The following NEBL variants were observed in gnomAD, a reference collection of about 807,000 sequenced individuals.
NEBL encodes the protein nebulette.
In NEBL, 122 loss-of-function variants were observed where a neutral mutation model predicts 140.2. The ratio of observed to expected loss-of-function variants is 0.87; its 90% CI spans 0.75 to 1.01. NEBL has a LOEUF of 1.01. Among genes scored for constraint, NEBL ranks in the 50% least tolerant of loss-of-function variants. The probability of loss-of-function intolerance (pLI) is 0.00; values close to 1 mark genes in which losing one functional copy is unlikely to be tolerated. For missense variants in NEBL, 1,365 were observed against 1,231.3 expected (o/e 1.11, Z -1.62); for synonymous variants, 436 against 398.9 (o/e 1.09, Z -1.11).
intron 26 of NEBL, among the ~76,000 whole-genome samples, chr10:20,802,495 A>G (rs1485626953): frequency 6.6e-6 from 1 of 152,226 alleles, no homozygotes; most frequent in Admixed American, 6.5e-5. Flanking sequence ...TGGTAACTTA[A>G]TACATTGAAA....
At chr10:21,102,707 C>A (rs991664616) in intron 2 of NEBL, among the ~76,000 whole-genome samples, 1 of 152,172 alleles carries the variant, frequency 6.6e-6, no homozygotes, top group Non-Finnish European at 1.5e-5. Flanking sequence ...AAAATTTAAC[C>A]ATGTACCTGT....
Position 20,859,818 on chromosome 10 carries a change from G to A in NEBL, c.693C>T (p.Tyr231=), listed in dbSNP as rs2131147310. ...TCATTTCATTATCAAATTTTTCTTTGTATTTAATCTGTCATAAAAGAGAAA... is the reference window on the plus strand; with the variant it reads ...TCATTTCATTATCAAATTTTTCTTTATATTTAATCTGTCATAAAAGAGAAA... ...EASKLSSQIK[Y]KEKFDNEMKD... Residue 231 remains tyrosine (Y), a synonymous_variant, in exon 8 of 28, where the codon TAC becomes TAT. Coordinates refer to ENST00000377122, the MANE Select transcript of NEBL (RefSeq NM_006393.3). 6.8e-7 allele frequency: 1 copy of A among 1,463,330 alleles called. No individual in the cohort carries two copies. The highest frequency in any genetic ancestry group is 9.6e-7 in the Non-Finnish European group (1 of 1,046,922). 90.6% of individuals were successfully genotyped at this position (1,463,330 alleles called of 1,614,324 possible).
At chr10:21,231,896 G>T (rs1842266781) in intron 3 of NEBL, among the ~76,000 whole-genome samples, 2 of 152,234 alleles carry the variant, frequency 1.3e-5, no homozygotes, top group Non-Finnish European at 2.9e-5. Flanking sequence ...TTAATTCCCA[G>T]GCATGGCAGG....
At chr10:21,102,698 A>G (rs1200933401) in intron 2 of NEBL, among the ~76,000 whole-genome samples, 1 of 152,190 alleles carries the variant, frequency 6.6e-6, no homozygotes, top group Non-Finnish European at 1.5e-5. Flanking sequence ...GAGTATAACA[A>G]AATTTAACCA....
At chr10:21,254,441 T>G (rs769604696) in intron 1 of NEBL, among the ~76,000 whole-genome samples, 38 of 152,020 alleles carry the variant, frequency 2.5e-4, no homozygotes, top group Non-Finnish European at 4.0e-4. Flanking sequence ...AATTGTTTAT[T>G]GTCTTTTGTT....
At chr10:21,023,974 A>G (rs1350129564) in intron 2 of NEBL, among the ~76,000 whole-genome samples, 1 of 152,124 alleles carries the variant, frequency 6.6e-6, no homozygotes, top group Non-Finnish European at 1.5e-5. Context: ...AAAGGGTGAT[A>G]GAACTTATAA....
chr10:21,263,847 C>T (rs1430914853), intron 1 of NEBL, among the ~76,000 whole-genome samples: 4 of 152,164 alleles, frequency 2.6e-5, no homozygotes, highest in African/African-American at 4.8e-5. Flanking sequence ...TGCCTATAAT[C>T]CCAGATACTC....
At chr10:20,908,429 T>G (rs886556889) in intron 4 of NEBL, among the ~76,000 whole-genome samples, 1 of 152,164 alleles carries the variant, frequency 6.6e-6, no homozygotes, top group Non-Finnish European at 1.5e-5. Flanking sequence ...CTGGTCCCTG[T>G]GATCAGTGAA....
At chr10:21,046,632 ACT>A (rs1834525496) in intron 2 of NEBL, among the ~76,000 whole-genome samples, 2 of 151,820 alleles carry the variant, frequency 1.3e-5, no homozygotes, top group Admixed American at 1.3e-4. Flanking sequence ...ACGGAGTGTG[ACT>A]CTGTCGCCCA....
At chr10:21,256,370 T>G (rs1197958619) in intron 1 of NEBL, among the ~76,000 whole-genome samples, 1 of 152,086 alleles carries the variant, frequency 6.6e-6, no homozygotes, top group Admixed American at 6.6e-5. Flanking sequence ...ACCCAGCCTC[T>G]TTTTATTTCC....
intron 2 of NEBL, among the ~76,000 whole-genome samples, chr10:21,150,566 G>A (rs941608123): frequency 4.6e-5 from 7 of 152,174 alleles, no homozygotes; most frequent in African/African-American, 7.2e-5. Flanking sequence ...AAAGAAACTC[G>A]TGGGGTTGTT....
At chr10:20,863,983 C>G (rs535107502) in intron 7 of NEBL, among the ~76,000 whole-genome samples, 1 of 152,114 alleles carries the variant, frequency 6.6e-6, no homozygotes, top group East Asian at 1.9e-4. Flanking sequence ...CAATTAATAC[C>G]CCTTGCAATT....
At chr10:21,195,747 T>C (rs1841638355) in intron 3 of NEBL, among the ~76,000 whole-genome samples, 1 of 152,248 alleles carries the variant, frequency 6.6e-6, no homozygotes, top group Admixed American at 6.5e-5. Flanking sequence ...AATAATCACA[T>C]GTATATTTTA....
intron 3 of NEBL, among the ~76,000 whole-genome samples, chr10:21,002,715 T>C (rs1837957627): frequency 1.3e-5 from 2 of 151,892 alleles, no homozygotes; most frequent in Non-Finnish European, 2.9e-5. Context: ...GGGGAAGCGC[T>C]ACACACTTTT....
intron 1 of NEBL, among the ~76,000 whole-genome samples, chr10:21,280,052 T>TA (rs890618977): frequency 5.3e-5 from 8 of 151,762 alleles, no homozygotes; most frequent in South Asian, 2.1e-4. Flanking sequence ...CTAAAGACCC[T>TA]AAAAAAAAGC....
At chr10:20,989,165 T>A (rs562350245) in intron 3 of NEBL, among the ~76,000 whole-genome samples, 1 of 152,336 alleles carries the variant, frequency 6.6e-6, no homozygotes, top group South Asian at 2.1e-4. Flanking sequence ...AATAGAAGAT[T>A]TGTAATCTTG....
chr10:21,070,424 T>C (rs963346794), intron 2 of NEBL, among the ~76,000 whole-genome samples: 3 of 152,178 alleles, frequency 2.0e-5, no homozygotes, highest in African/African-American at 7.2e-5. Flanking sequence ...ACCTCAATAA[T>C]ATATCACGTA....
At chr10:21,136,364 T>C (rs1839355889) in intron 2 of NEBL, among the ~76,000 whole-genome samples, 1 of 152,218 alleles carries the variant, frequency 6.6e-6, no homozygotes. Context: ...GGTCTCACTC[T>C]CTTGCCCAGC....
intron 7 of NEBL, among the ~76,000 whole-genome samples, chr10:20,867,276 A>T (rs562371719): frequency 1.3e-5 from 2 of 152,240 alleles, no homozygotes; most frequent in African/African-American, 4.8e-5. Context: ...GTTTAGTATC[A>T]AGGCTCTTTC....
Sources: gnomAD v4.1 joint callset for allele counts (sites outside exome capture counted in the v4.1 genomes callset) on GRCh38, gnomAD v4.1.1 for gene constraint, MANE v1.5 for transcripts, NCBI Gene and HGNC (gene_info 2026-07-23, HGNC 2026-07-21) for gene names.